Variants in EXOC6 observed in about 807,000 individuals in gnomAD.
EXOC6 encodes exocyst complex component 6.
EXOC6 carries 60 observed loss-of-function variants against 112.5 expected under a neutral mutation model. The observed-to-expected ratio is 0.53, with a 90% CI of 0.43 to 0.66. EXOC6 has a LOEUF of 0.66. Among genes scored for constraint, EXOC6 ranks in the 30% least tolerant of loss-of-function variants. The probability of loss-of-function intolerance (pLI) is 0.00; values close to 1 mark genes in which losing one functional copy is unlikely to be tolerated. For synonymous variants in EXOC6, 295 were observed against 308.0 expected (o/e 0.96, Z 0.44); for missense variants, 855 against 957.1 (o/e 0.89, Z 1.41).
rs763931608 is a variant in EXOC6, at chr10:92,954,692, G to A, written c.1589G>A (p.Ser530Asn). ...AATCTGCTGCTGACCAGAACTTTGA[G>A]TAGCTGTTTACTGAACCTTATTAGA... ...STNLLLTRTLSSCLLNLIRKP... is the reference protein window; with the variant it reads ...STNLLLTRTLNSCLLNLIRKP... Residue 530 changes from serine to asparagine, a missense_variant, in exon 16 of 22, where the codon AGT becomes AAT. This residue lies in a region of EXOC6 where 450 missense variants were observed against 563.5 expected (regional missense o/e 0.80). Transcript: ENST00000260762. 3.1e-6 allele frequency: 5 copies of A among 1,609,156 alleles called. No individual in the cohort carries two copies. The East Asian group carries it at 1.1e-4, about 36-fold the overall frequency.
intron 13 of EXOC6, among the ~76,000 whole-genome samples, chr10:92,946,884 C>T (rs1486096420): frequency 6.6e-6 from 1 of 152,178 alleles, no homozygotes. Flanking sequence ...TTCACGTACT[C>T]TGATAGTCAC....
intron 1 of EXOC6, among the ~76,000 whole-genome samples, chr10:92,840,134 A>AC (rs1053551630): frequency 2.5e-4 from 38 of 151,822 alleles, no homozygotes; most frequent in African/African-American, 7.3e-5. Flanking sequence ...TTAAAAAAAA[A>AC]AACCCTAAAC....
At chr10:92,950,884 A>G (rs1853367145) in intron 14 of EXOC6, among the ~76,000 whole-genome samples, 1 of 152,176 alleles carries the variant, frequency 6.6e-6, no homozygotes, top group Admixed American at 6.5e-5. Context: ...TTTTGCATTT[A>G]TCTTGATGAG....
chr10:92,977,388 T>C (rs146377971), intron 18 of EXOC6, among the ~76,000 whole-genome samples: 1 of 152,248 alleles, frequency 6.6e-6, no homozygotes, highest in African/African-American at 2.4e-5. Flanking sequence ...AAGACTATTT[T>C]AAAGAGATTG....
intron 14 of EXOC6, among the ~76,000 whole-genome samples, 179 bp downstream of exon 14, chr10:92,948,558 T>TACTACTACC (rs1853178905): frequency 7.5e-6 from 1 of 134,112 alleles, no homozygotes; most frequent in Non-Finnish European, 1.6e-5. Context: ...ATGTTATTAC[T>TACTACTACC]ACTACTACTA....
chr10:92,913,931 T>G (rs1004978976), intron 6 of EXOC6, among the ~76,000 whole-genome samples: 2 of 152,228 alleles, frequency 1.3e-5, no homozygotes, highest in East Asian at 3.8e-4. Context: ...ACTGTTAGTC[T>G]GATGTTTAAT....
intron 1 of EXOC6, among the ~76,000 whole-genome samples, chr10:92,852,658 TAAAC>T (rs1026637810): frequency 9.2e-5 from 14 of 152,160 alleles, no homozygotes; most frequent in Non-Finnish European, 1.8e-4. Context: ...TTCACCATAT[TAAAC>T]AAAGAAAAGT....
chr10:92,964,518 A>G (rs575837233), intron 17 of EXOC6, among the ~76,000 whole-genome samples: 147 of 152,328 alleles, frequency 9.7e-4, no homozygotes, highest in Non-Finnish European at 1.4e-3. Flanking sequence ...CTCTAACTTT[A>G]TCTATTGCCT....
At chr10:92,967,191 C>T (rs891493963) in intron 17 of EXOC6, among the ~76,000 whole-genome samples, 2 of 138,996 alleles carry the variant, frequency 1.4e-5, no homozygotes, top group African/African-American at 5.4e-5. Flanking sequence ...GGATATTAGC[C>T]CTTTGTCAGA....
chr10:92,828,746 T>G (rs1188081620), intron 1 of EXOC6, among the ~76,000 whole-genome samples: 2 of 127,944 alleles, frequency 1.6e-5, no homozygotes, highest in Non-Finnish European at 3.3e-5. Flanking sequence ...TTTTTTTTTG[T>G]GGACCCTTCA....
At position 92,886,434 on chromosome 10, in the gene EXOC6, T is replaced by A. The variant is rs533086011; in HGVS notation, c.102-6915T>A. On this transcript the variant is annotated intron_variant, in intron 1 of 21. Coordinates refer to ENST00000260762, the MANE Select transcript of EXOC6 (RefSeq NM_019053.6). The stretch of plus-strand genomic sequence containing the variant: ...CCATTGGTTGATTTCACCTGATGGG[T>A]GCAACAGTGCACATCAGGGATTCCC... 4.6e-5 allele frequency among the ~76,000 whole-genome samples: 7 copies of A among 152,320 alleles called. No homozygotes were observed. In the South Asian group the frequency reaches 1.5e-3, roughly 32 times the overall value.
chr10:92,994,992 CT>C (rs767786409), intron 18 of EXOC6, among the ~76,000 whole-genome samples: 1 of 151,776 alleles, frequency 6.6e-6, no homozygotes, highest in Non-Finnish European at 1.5e-5. Flanking sequence ...TGGAATATAA[CT>C]TTTAAAAATT....
chr10:93,011,939 G>T (rs931740015), intron 19 of EXOC6, among the ~76,000 whole-genome samples: 8 of 152,206 alleles, frequency 5.3e-5, no homozygotes, highest in African/African-American at 1.7e-4. Flanking sequence ...ATACTGAAAA[G>T]TGTGGCTAGA....
chr10:93,003,943 A>G (rs974381998), intron 19 of EXOC6, among the ~76,000 whole-genome samples: 3 of 152,326 alleles, frequency 2.0e-5, no homozygotes, highest in Admixed American at 6.5e-5. Flanking sequence ...TCAAATAATC[A>G]TATGTGGATG....
upstream of EXOC6, chr10:92,848,418 GCCGCCGGCCCGAGCGCCCCGCCCCCGCC>G: frequency 8.1e-6 from 7 of 869,216 alleles, no homozygotes; most frequent in Non-Finnish European, 9.7e-6. Flanking sequence ...GCGCCCCCGC[GCCGCCGGCCCGAGCGCCCCGCCCCCGCC>G]CCGCCCCTTC....
intron 1 of EXOC6, among the ~76,000 whole-genome samples, chr10:92,843,296 G>T (rs1411194997): frequency 6.6e-6 from 1 of 152,156 alleles, no homozygotes; most frequent in African/African-American, 2.4e-5. Flanking sequence ...ACACCAAAAA[G>T]GCAGAAGCTG....
chr10:92,851,241 T>C (rs1361731513), intron 1 of EXOC6, among the ~76,000 whole-genome samples: 1 of 151,718 alleles, frequency 6.6e-6, no homozygotes, highest in African/African-American at 2.4e-5. Flanking sequence ...AAGATCAGAG[T>C]GGTATTCAGT....
intron 8 of EXOC6, among the ~76,000 whole-genome samples, chr10:92,926,052 TAA>T (rs146789374): frequency 7.2e-6 from 1 of 139,740 alleles, no homozygotes. Context: ...GTGGACTTTT[TAA>T]AAAAAAAAAA....
At position 92,841,584 on chromosome 10, in the gene EXOC6, T is replaced by G. The variant is rs553128261; in HGVS notation, c.86+6760T>G. Among the ~76,000 whole-genome samples the G allele has an allele frequency of 5.4e-4, 83 of 152,308 alleles. No individual in the cohort carries two copies. The South Asian group carries it at 0.017, about 30-fold the overall frequency. ...TTGCACCTCCAAAAAGCCTGGAATG[T>G]CTTATGAGACTCGGCTATACAGTTA... is the stretch of plus-strand genomic sequence containing the variant. On this transcript the variant is annotated intron_variant, in intron 1 of 21. Coordinates refer to the EXOC6 transcript ENST00000371552.
Sources: allele counts gnomAD v4.1 joint callset (sites outside exome capture counted in the v4.1 genomes callset), GRCh38; gene constraint gnomAD v4.1.1; regional missense constraint gnomAD v4.1.1; transcripts MANE v1.5; gene names NCBI Gene and HGNC (gene_info 2026-07-23, HGNC 2026-07-21).